The following LYPD6B variants were observed in gnomAD, a reference collection of about 807,000 sequenced individuals.
LYPD6B encodes the protein ly6/PLAUR domain-containing protein 6B.
A neutral mutation model predicts 22.8 loss-of-function variants in LYPD6B; 17 were observed. The observed-to-expected ratio is 0.75, with a 90% CI of 0.51 to 1.12. The LOEUF is 1.12. Ranked by LOEUF, LYPD6B falls within the 50% of genes most tolerant of loss-of-function variation. LYPD6B has a pLI of 0.00. For synonymous variants in LYPD6B, 106 were observed against 91.6 expected, an observed-to-expected ratio of 1.16 and a Z score of -0.90; for missense variants, 221 against 258.3, an observed-to-expected ratio of 0.86 and a Z score of 0.99.
At chr2:149,205,190 CA>C in intron 3 of LYPD6B, 62 bp from the exon 4 acceptor site, 1 of 1,529,870 alleles carries the variant, frequency 6.5e-7, no homozygotes. Flanking sequence ...CAAACAGAAG[CA>C]AAACACAAAC....
intron 2 of LYPD6B, among the ~76,000 whole-genome samples, chr2:149,136,402 C>T (rs1688374075): frequency 6.6e-6 from 1 of 152,190 alleles, no homozygotes; most frequent in African/African-American, 2.4e-5. Context: ...CAGCCAGAGG[C>T]CAACTCCAGC....
At chr2:149,148,840 A>G (rs532981171) in intron 2 of LYPD6B, among the ~76,000 whole-genome samples, 22 of 152,306 alleles carry the variant, frequency 1.4e-4, no homozygotes, top group Admixed American at 1.4e-3. Context: ...TGCAAAGAGT[A>G]GGATTATGGG....
Position 149,074,268 on chromosome 2 carries a change from G to GCA in LYPD6B, c.-67+35487_-67+35488dup, listed in dbSNP as rs60123351. On this transcript the variant is annotated intron_variant, in intron 1 of 6. Transcript: ENST00000409642. The stretch of plus-strand genomic sequence containing the variant: ...CACACACATGCATACACGCATGCAT[G>GCA]CACACACACACACACACACACGCAC... 0.02 allele frequency among the ~76,000 whole-genome samples: 2,960 copies of GCA among 150,478 alleles called. 245 individuals are homozygous for GCA. The East Asian group carries it at 0.28, about 14-fold the overall frequency.
chr2:149,187,411 A>T, intron 3 of LYPD6B: 1 of 1,520,218 alleles, frequency 6.6e-7, no homozygotes, highest in Non-Finnish European at 8.8e-7. Flanking sequence ...TTGTTATAAG[A>T]TTATTATTTT....
chr2:149,049,616 C>T (rs2105278354), intron 1 of LYPD6B, among the ~76,000 whole-genome samples: 1 of 152,254 alleles, frequency 6.6e-6, no homozygotes, highest in East Asian at 1.9e-4. Context: ...TCTTCACTAC[C>T]CTGGCCAGTT....
chr2:149,077,982 G>A (rs1684953363), intron 1 of LYPD6B, among the ~76,000 whole-genome samples: 1 of 152,128 alleles, frequency 6.6e-6, no homozygotes, highest in African/African-American at 2.4e-5. Flanking sequence ...TTTCCTGGAG[G>A]GCAGACTTTG....
chr2:149,062,436 G>T (rs573066745), intron 1 of LYPD6B, among the ~76,000 whole-genome samples: 2 of 152,202 alleles, frequency 1.3e-5, no homozygotes, highest in African/African-American at 4.8e-5. Context: ...TCAGAGAAGG[G>T]GATTAAAAGC....
At chr2:149,070,877 T>G (rs1684572903) in intron 1 of LYPD6B, among the ~76,000 whole-genome samples, 1 of 152,166 alleles carries the variant, frequency 6.6e-6, no homozygotes. Context: ...AGTCAACAGG[T>G]AGTAACAGAT....
chr2:149,114,964 G>T (rs1211647696), intron 1 of LYPD6B, among the ~76,000 whole-genome samples: 1 of 152,048 alleles, frequency 6.6e-6, no homozygotes, highest in Non-Finnish European at 1.5e-5. Context: ...TTTTGAGATG[G>T]AGTCTCGCTC....
intron 1 of LYPD6B, among the ~76,000 whole-genome samples, chr2:149,108,875 T>C (rs985394666): frequency 3.3e-5 from 5 of 152,186 alleles, no homozygotes; most frequent in African/African-American, 1.2e-4. Context: ...TAATGGTTGC[T>C]TTAGAGTTTA....
chr2:149,068,052 G>C (rs1261829192), intron 1 of LYPD6B, among the ~76,000 whole-genome samples: 1 of 151,946 alleles, frequency 6.6e-6, no homozygotes, highest in Non-Finnish European at 1.5e-5. Context: ...TTTGTTTTTC[G>C]GGCTTCTTTA....
In LYPD6B at chr2:149,095,055, G is replaced by A. The variant is rs146767057; in HGVS notation, c.-66-35828G>A. On this transcript the variant is annotated intron_variant, in intron 1 of 6. Coordinates refer to ENST00000409642, the MANE Select transcript of LYPD6B (RefSeq NM_177964.5). ...GCCTGTAATCAATCCCAGCACTTTG[G>A]GAGGTCGAGGTGGGTGGATCACCTG... 4.8e-3 allele frequency among the ~76,000 whole-genome samples: 727 copies of A among 152,290 alleles called. 7 individuals carry two copies. The highest frequency in any genetic ancestry group is 0.017 in the African/African-American group (694 of 41,562).
intron 2 of LYPD6B, among the ~76,000 whole-genome samples, chr2:149,141,101 A>C (rs1006175632): frequency 9.2e-5 from 14 of 152,180 alleles, no homozygotes; most frequent in Non-Finnish European, 2.9e-5. Context: ...GTGATGAAAA[A>C]AGCACTAAAA....
Position 149,152,625 on chromosome 2 carries a change from A to G in LYPD6B, c.6-8139A>G, listed in dbSNP as rs1044227186. Among the ~76,000 whole-genome samples the G allele has an allele frequency of 1.3e-5, 2 of 152,208 alleles. 1 individual carries two copies. The highest frequency in any genetic ancestry group is 1.3e-4 in the Admixed American group (2 of 15,282). ...TAGAAAGGGATAAAGATTTTCTAGG[A>G]ATCAAAGAGTTTCCTTTATTTTATC... On this transcript the variant is annotated intron_variant, in intron 2 of 6. Transcript: ENST00000409642.
intron 2 of LYPD6B, among the ~76,000 whole-genome samples, chr2:149,136,360 A>C (rs899263385): frequency 2.0e-5 from 3 of 152,216 alleles, no homozygotes. Context: ...GGACTAAATG[A>C]AAGAATTACC....
At chr2:149,145,512 GCCTTC>G (rs1688965228) in intron 2 of LYPD6B, among the ~76,000 whole-genome samples, 1 of 152,168 alleles carries the variant, frequency 6.6e-6, no homozygotes, top group African/African-American at 2.4e-5. Context: ...GCTGACTGAT[GCCTTC>G]CGGCAAGCCT....
intron 1 of LYPD6B, among the ~76,000 whole-genome samples, chr2:149,110,998 T>G (rs113890499): frequency 4.3e-4 from 66 of 152,186 alleles, no homozygotes; most frequent in Middle Eastern, 6.8e-3. Flanking sequence ...AGCTATCTGG[T>G]GGAAGGACAC....
chr2:149,150,536 T>G (rs1397253087), intron 2 of LYPD6B, among the ~76,000 whole-genome samples: 1 of 152,198 alleles, frequency 6.6e-6, no homozygotes, highest in Non-Finnish European at 1.5e-5. Flanking sequence ...TCTATATATG[T>G]GGCTGTGGAA....
At chr2:149,122,700 T>C (rs1353100076) in intron 1 of LYPD6B, among the ~76,000 whole-genome samples, 1 of 152,074 alleles carries the variant, frequency 6.6e-6, no homozygotes, top group Non-Finnish European at 1.5e-5. Context: ...GCAGCTTGTC[T>C]GTGTAACCAC....
Sources: allele counts gnomAD v4.1 joint callset (sites outside exome capture counted in the v4.1 genomes callset), GRCh38; gene constraint gnomAD v4.1.1; transcripts MANE v1.5; gene names NCBI Gene and HGNC (gene_info 2026-07-23, HGNC 2026-07-21).